The following BRINP1 variants were observed in gnomAD, a reference collection of about 807,000 sequenced individuals.
The protein encoded by BRINP1 is BMP/retinoic acid inducible neural specific 1, also known as BMP/retinoic acid-inducible neural-specific protein 1.
A neutral mutation model predicts 72.9 loss-of-function variants in BRINP1; 17 were observed. The observed-to-expected ratio is 0.23, with a 90% confidence interval of 0.16 to 0.35. The LOEUF (loss-of-function observed/expected upper bound fraction) is 0.35, where lower values mean the gene tolerates loss of function less well. BRINP1 is among the 10% of genes least tolerant of loss of function. The pLI, the probability that BRINP1 is intolerant of heterozygous loss-of-function variation, is 1.00. For synonymous variants in BRINP1, 418 were observed against 378.5 expected (o/e 1.10, Z -1.21); for missense variants, 850 against 1,001.6 (o/e 0.85, Z 2.04).
intron 4 of BRINP1, among the ~76,000 whole-genome samples, chr9:119,240,037 G>C (rs1262913650): frequency 2.6e-5 from 4 of 152,106 alleles, no homozygotes; most frequent in Non-Finnish European, 5.9e-5. Context: ...TTGGGAGGCT[G>C]AGGTGGGTGG....
intron 1 of BRINP1, among the ~76,000 whole-genome samples, chr9:119,328,936 A>G (rs1831267018): frequency 6.6e-6 from 1 of 152,202 alleles, no homozygotes; most frequent in African/African-American, 2.4e-5. Flanking sequence ...AGTGTGAGCA[A>G]AAGCATGGAA....
intron 2 of BRINP1, among the ~76,000 whole-genome samples, chr9:119,296,881 T>TG (rs1049381974): frequency 1.7e-4 from 24 of 142,150 alleles, no homozygotes; most frequent in African/African-American, 5.6e-4. Context: ...GGGGAGAGTT[T>TG]GGTCAAAGGG....
At chr9:119,275,428 C>A (rs1318052661) in intron 2 of BRINP1, among the ~76,000 whole-genome samples, 1 of 152,154 alleles carries the variant, frequency 6.6e-6, no homozygotes, top group Non-Finnish European at 1.5e-5. Flanking sequence ...ATCACAGTGA[C>A]CAGCACACAG....
intron 1 of BRINP1, among the ~76,000 whole-genome samples, chr9:119,331,701 G>C (rs111578121): frequency 5.3e-5 from 8 of 152,286 alleles, no homozygotes; most frequent in African/African-American, 1.9e-4. Flanking sequence ...AAGACCTCCA[G>C]CTTTACTAAC....
At chr9:119,175,674 T>C (rs1283252045) in intron 7 of BRINP1, among the ~76,000 whole-genome samples, 1 of 152,080 alleles carries the variant, frequency 6.6e-6, no homozygotes, top group Admixed American at 6.6e-5. Context: ...CACCAAAACA[T>C]TCTAATGAAG....
intron 7 of BRINP1, among the ~76,000 whole-genome samples, chr9:119,184,566 C>T (rs1484165888): frequency 6.6e-6 from 1 of 152,076 alleles, no homozygotes; most frequent in Non-Finnish European, 1.5e-5. Flanking sequence ...AATTATACCC[C>T]CTGCTCCCCA....
chr9:119,241,855 C>G (rs1371909797), intron 4 of BRINP1, among the ~76,000 whole-genome samples, 192 bp downstream of exon 4: 1 of 152,192 alleles, frequency 6.6e-6, no homozygotes, highest in Non-Finnish European at 1.5e-5. Flanking sequence ...CATATGGCCA[C>G]TGGAATGACA....
At chr9:119,337,037 G>C (rs955868687) in intron 1 of BRINP1, among the ~76,000 whole-genome samples, 2 of 152,098 alleles carry the variant, frequency 1.3e-5, no homozygotes, top group Non-Finnish European at 2.9e-5. Flanking sequence ...CCATTTCTAA[G>C]CAGATTTCGT....
intron 1 of BRINP1, among the ~76,000 whole-genome samples, chr9:119,324,327 C>T (rs928143918): frequency 6.6e-6 from 1 of 152,210 alleles, no homozygotes; most frequent in Non-Finnish European, 1.5e-5. Context: ...AGAAGCCCTA[C>T]TGCACAGTGG....
Position 119,167,141 on chromosome 9 carries a change from G to A in BRINP1, c.2229C>T (p.Asp743=). The A allele has an allele frequency of 6.2e-7, 1 of 1,614,078 alleles. No homozygotes were observed. The change falls in exon 8 of 8, where the codon GAC becomes GAT. Residue 743 remains aspartate (D), a synonymous_variant. Transcript: ENST00000265922. The surrounding 1 kb of genome is among the most constrained non-coding windows in gnomAD (Gnocchi z 4.3). The part of the protein sequence containing the change: ...SEIIRVNHAL[D]LYNTEILKQS... ...GTTTGAGGATCTCCGTGTTGTACAG[G>A]TCCAAGGCGTGGTTCACCCTGATGA... is the stretch of plus-strand genomic sequence containing the variant.
chr9:119,223,232 G>A (rs1588169219), intron 5 of BRINP1, among the ~76,000 whole-genome samples: 1 of 152,080 alleles, frequency 6.6e-6, no homozygotes, highest in Admixed American at 6.6e-5. Context: ...TATCTTGATT[G>A]TGGTGGGGGT....
At chr9:119,367,221 G>GTGTGATATATATATATAT (rs1564259756) in intron 1 of BRINP1, among the ~76,000 whole-genome samples, 109 of 99,872 alleles carry the variant, frequency 1.1e-3, no homozygotes, top group Non-Finnish European at 1.7e-3. Context: ...GTGTGTGATT[G>GTGTGATATATATATATAT]ATATATATAT....
intron 1 of BRINP1, among the ~76,000 whole-genome samples, chr9:119,326,914 G>A (rs1587961826): frequency 2.0e-5 from 3 of 152,312 alleles, no homozygotes; most frequent in Middle Eastern, 3.4e-3. Flanking sequence ...AGAAGACAGA[G>A]AGACATTTGT....
chr9:119,326,033 G>A (rs1191463859), intron 1 of BRINP1, among the ~76,000 whole-genome samples: 2 of 152,100 alleles, frequency 1.3e-5, no homozygotes, highest in African/African-American at 4.8e-5. Flanking sequence ...AAAGATTATT[G>A]AGCATGTATT....
intron 2 of BRINP1, among the ~76,000 whole-genome samples, chr9:119,277,856 C>T (rs1345414615): frequency 6.6e-6 from 1 of 152,078 alleles, no homozygotes; most frequent in Non-Finnish European, 1.5e-5. Flanking sequence ...TCCTATCTTC[C>T]ACTCTATTCT....
intron 2 of BRINP1, among the ~76,000 whole-genome samples, chr9:119,254,267 A>T (rs2118926943): frequency 6.6e-6 from 1 of 152,342 alleles, no homozygotes; most frequent in Middle Eastern, 3.4e-3. Context: ...AGTGTTATAA[A>T]GACAAATAAA....
intron 1 of BRINP1, among the ~76,000 whole-genome samples, chr9:119,332,622 C>T (rs982963723): frequency 2.6e-5 from 4 of 152,230 alleles, no homozygotes; most frequent in Admixed American, 6.5e-5. Flanking sequence ...GCTCCTGCTA[C>T]TGTCACAAGG....
chr9:119,363,242 A>C (rs557050359), intron 1 of BRINP1, among the ~76,000 whole-genome samples: 1 of 152,246 alleles, frequency 6.6e-6, no homozygotes, highest in Admixed American at 6.5e-5. Context: ...AGCTGGGACT[A>C]CAGGTGCCCA....
intron 2 of BRINP1, among the ~76,000 whole-genome samples, chr9:119,277,366 T>C (rs955595553): frequency 1.1e-4 from 17 of 152,342 alleles, no homozygotes; most frequent in African/African-American, 3.8e-4. Flanking sequence ...AGTCAGCTTT[T>C]AGGGGCTCAT....
Sources: allele counts gnomAD v4.1 joint callset (sites outside exome capture counted in the v4.1 genomes callset), GRCh38; gene constraint gnomAD v4.1.1; non-coding constraint Gnocchi (gnomAD v3.1); transcripts MANE v1.5; gene names NCBI Gene and HGNC (gene_info 2026-07-23, HGNC 2026-07-21).